ADAMTSL3: variants seen among roughly 807,000 people sequenced by gnomAD.
The protein encoded by ADAMTSL3 is ADAMTS like 3, also known as ADAMTS-like protein 3.
ADAMTSL3 carries 128 observed loss-of-function variants against 201.7 expected under a neutral mutation model. The ratio of observed to expected loss-of-function variants is 0.63; its 90% CI spans 0.55 to 0.73. The LOEUF is 0.73. ADAMTSL3 is among the 30% of genes least tolerant of loss of function. The pLI is 0.00. For synonymous variants in ADAMTSL3, 738 were observed against 748.4 expected, an observed-to-expected ratio of 0.99 and a Z score of 0.23; for missense variants, 1,990 against 2,119.6, an observed-to-expected ratio of 0.94 and a Z score of 1.20.
intron 2 of ADAMTSL3, among the ~76,000 whole-genome samples, chr15:83,693,724 T>C (rs1210775808): frequency 1.3e-5 from 2 of 152,234 alleles, no homozygotes; most frequent in Non-Finnish European, 2.9e-5. Flanking sequence ...ACTTCTCTAT[T>C]ATGTTTATTT....
chr15:83,659,670 A>G (rs1256383123), intron 2 of ADAMTSL3, among the ~76,000 whole-genome samples: 1 of 152,210 alleles, frequency 6.6e-6, no homozygotes, highest in African/African-American at 2.4e-5. Context: ...ATATTCCCTT[A>G]TATGGCAAAA....
rs568305483 is a variant in ADAMTSL3 at position 83,896,698 on chromosome 15, A to G, written c.1468-1160A>G. ...ATATGGTCCTCAAAAAATATAGTCT[A>G]TCAATTTTTTTTAATGCGTACATAT... On this transcript the variant is annotated intron_variant, in intron 13 of 29. Transcript: ENST00000286744. Among the ~76,000 whole-genome samples the G allele has an allele frequency of 8.6e-4, 131 of 152,240 alleles. 1 individual carries two copies. Among genetic ancestry groups the G allele is most frequent in the African/African-American group, 3.1e-3 (128 of 41,548 alleles).
chr15:83,757,962 C>A (rs2062747746), intron 3 of ADAMTSL3, among the ~76,000 whole-genome samples: 1 of 152,222 alleles, frequency 6.6e-6, no homozygotes, highest in Non-Finnish European at 1.5e-5. Context: ...GAGACCACAT[C>A]AGCCTAGATT....
intron 3 of ADAMTSL3, among the ~76,000 whole-genome samples, chr15:83,770,745 A>G (rs193095640): frequency 6.6e-6 from 1 of 152,284 alleles, no homozygotes; most frequent in East Asian, 1.9e-4. Flanking sequence ...ATTTTGGTAT[A>G]TTCTATGAAG....
intron 6 of ADAMTSL3, among the ~76,000 whole-genome samples, chr15:83,825,670 G>A (rs761421145): frequency 9.2e-5 from 14 of 151,996 alleles, no homozygotes; most frequent in Non-Finnish European, 5.9e-5. Context: ...CTCAAGGAGC[G>A]CTCTCTGGAT....
chr15:83,841,974 C>G (rs966089374), intron 7 of ADAMTSL3, among the ~76,000 whole-genome samples: 1 of 151,596 alleles, frequency 6.6e-6, no homozygotes, highest in Admixed American at 6.6e-5. Context: ...CGAGGGCGGA[C>G]GGACGAGATC....
intron 5 of ADAMTSL3, among the ~76,000 whole-genome samples, chr15:83,810,205 C>T (rs567290531): frequency 1.1e-4 from 16 of 152,282 alleles, no homozygotes; most frequent in South Asian, 4.2e-4. Context: ...TTTTGGAGCA[C>T]GATGCAAATG....
intron 28 of ADAMTSL3, among the ~76,000 whole-genome samples, chr15:84,036,271 A>G (rs2068503647): frequency 6.6e-6 from 1 of 152,208 alleles, no homozygotes; most frequent in Non-Finnish European, 1.5e-5. Flanking sequence ...TTCTGACTGC[A>G]AGTCTTGGTG....
intron 2 of ADAMTSL3, among the ~76,000 whole-genome samples, chr15:83,699,239 G>A (rs1305803907): frequency 6.6e-6 from 1 of 152,118 alleles, no homozygotes; most frequent in Non-Finnish European, 1.5e-5. Context: ...TCACATGGAT[G>A]TTTTATGGAC....
At chr15:83,971,808 C>T (rs1429623182) in intron 20 of ADAMTSL3, among the ~76,000 whole-genome samples, 4 of 148,980 alleles carry the variant, frequency 2.7e-5, no homozygotes, top group African/African-American at 7.4e-5. Flanking sequence ...CCCTCCTGAA[C>T]GTTTGGTAAG....
rs1326887165 is a variant in ADAMTSL3, at chr15:83,704,746, A to G, written c.189+238A>G. ...ATAAAAGTCACTTTTTCTTATTTTC[A>G]TCAGAAATATATGATGGATTTGTTC... On this transcript the variant is annotated intron_variant, in intron 3 of 29. Coordinates refer to ENST00000286744, the MANE Select transcript of ADAMTSL3 (RefSeq NM_207517.3). Among the ~76,000 whole-genome samples, 3 of 152,268 alleles carry G rather than the reference A, an allele frequency of 2.0e-5. 1 individual carries two copies. The highest frequency in any genetic ancestry group is 4.1e-4 in the South Asian group (2 of 4,822).
At position 83,890,268 on chromosome 15, in the gene ADAMTSL3, C is replaced by G. The variant is rs73441324; in HGVS notation, c.1211+21C>G. On this transcript the variant is annotated intron_variant, in intron 11 of 29. Coordinates refer to ENST00000286744, the MANE Select transcript of ADAMTSL3 (RefSeq NM_207517.3). ...TCAAGGTTTGTGTCATTGTCCACAC[C>G]CTTTTTACTTCAAAAAGAAACAAAT... 167 of 1,609,458 alleles carry G rather than the reference C, an allele frequency of 1.0e-4. 1 individual carries two copies. In the African/African-American group the frequency reaches 1.1e-3, roughly 10 times the overall value.
intron 4 of ADAMTSL3, among the ~76,000 whole-genome samples, chr15:83,795,169 T>G (rs936902302): frequency 6.6e-6 from 1 of 152,136 alleles, no homozygotes; most frequent in Non-Finnish European, 1.5e-5. Context: ...ACATTTATTT[T>G]AAATAGAAGA....
chr15:83,728,635 A>G lies in ADAMTSL3; in HGVS notation c.189+24127A>G, dbSNP rs561866102. On this transcript the variant is annotated intron_variant, in intron 3 of 29. Coordinates refer to ENST00000286744, the MANE Select transcript of ADAMTSL3 (RefSeq NM_207517.3). Reference sequence around the variant, plus strand: ...TGACAAGCAAAGAGAAAACCAACATAAATTCTGCACTTAAACTACATCCTC... The same window carrying G: ...TGACAAGCAAAGAGAAAACCAACATGAATTCTGCACTTAAACTACATCCTC... 2.6e-5 allele frequency among the ~76,000 whole-genome samples: 4 copies of G among 152,144 alleles called. No individual in the cohort carries two copies. The East Asian group carries it at 7.7e-4, about 29-fold the overall frequency.
chr15:83,672,495 G>A (rs1406464896), intron 2 of ADAMTSL3, among the ~76,000 whole-genome samples: 1 of 152,230 alleles, frequency 6.6e-6, no homozygotes, highest in Non-Finnish European at 1.5e-5. Context: ...TTTGCTGGGT[G>A]TGCAGATTGT....
chr15:83,711,837 A>G (rs2061937656), intron 3 of ADAMTSL3, among the ~76,000 whole-genome samples: 1 of 152,202 alleles, frequency 6.6e-6, no homozygotes, highest in Non-Finnish European at 1.5e-5. Context: ...AAGGATGCAG[A>G]CATTTTCCTC....
intron 17 of ADAMTSL3, among the ~76,000 whole-genome samples, chr15:83,937,105 A>G (rs1338022140): frequency 1.3e-5 from 2 of 150,868 alleles, no homozygotes; most frequent in Admixed American, 6.6e-5. Flanking sequence ...CAGTGTGGCA[A>G]TTTCTCAAAG....
intron 22 of ADAMTSL3, among the ~76,000 whole-genome samples, chr15:83,990,456 C>T (rs1440997412): frequency 3.9e-5 from 6 of 152,186 alleles, no homozygotes; most frequent in African/African-American, 1.4e-4. Flanking sequence ...TCATCTTGTA[C>T]CCAGGTATTT....
intron 2 of ADAMTSL3, among the ~76,000 whole-genome samples, chr15:83,694,075 A>G (rs867703407): frequency 3.9e-5 from 6 of 152,236 alleles, no homozygotes; most frequent in Non-Finnish European, 7.3e-5. Context: ...CAAAGTGCAG[A>G]TTCCACTGCC....
Sources: gnomAD v4.1 joint callset for allele counts (sites outside exome capture counted in the v4.1 genomes callset) on GRCh38, gnomAD v4.1.1 for gene constraint, MANE v1.5 for transcripts, NCBI Gene and HGNC (gene_info 2026-07-23, HGNC 2026-07-21) for gene names.